Variants in ZNF251 observed in about 807,000 individuals in gnomAD.
ZNF251 encodes the protein zinc finger protein 251.
A neutral mutation model predicts 13.5 loss-of-function variants in ZNF251; 14 were observed. The ratio of observed to expected loss-of-function variants is 1.04; its 90% CI spans 0.69 to 1.63. ZNF251 has a LOEUF of 1.63. Among genes scored for constraint, ZNF251 ranks in the 40% most tolerant of loss-of-function variants. The pLI is 0.00. For missense variants in ZNF251, 764 were observed against 834.9 expected, an observed-to-expected ratio of 0.92 and a Z score of 1.05; for synonymous variants, 287 against 295.2, an observed-to-expected ratio of 0.97 and a Z score of 0.28.
At position 144,721,761 on chromosome 8, in the gene ZNF251, C is replaced by G. The variant is rs758764862; in HGVS notation, c.1899G>C (p.Gln633His). ...HCSVYGKAFSQSSQLTPPQQT... is the reference protein window; with the variant it reads ...HCSVYGKAFSHSSQLTPPQQT... Reference sequence around the variant, plus strand: ...GCTGAGGTGGTGTGAGCTGTGAACTCTGGCTGAAGGCTTTCCCATACACAC... The same window carrying G: ...GCTGAGGTGGTGTGAGCTGTGAACTGTGGCTGAAGGCTTTCCCATACACAC... The change falls in exon 5 of 5, where the codon CAG becomes CAC. Residue 633 changes from glutamine (Q) to histidine (H), a missense_variant. By Grantham distance (24) the Gln-to-His change is conservative. Transcript: ENST00000292562. 1.4e-5 allele frequency: 20 copies of G among 1,445,376 alleles called. No individual in the cohort carries two copies. The highest frequency in any genetic ancestry group is 1.7e-5 in the Non-Finnish European group (19 of 1,096,164). The allele number at this position is 1,445,376 out of a possible 1,614,324, so 89.5% of individuals were successfully genotyped here. A position where few individuals can be genotyped will look rare whatever the true frequency, so the allele number is the denominator to read the frequency against.
chr8:144,755,469 C>T lies in ZNF251; in HGVS notation c.-140G>A, dbSNP rs1824923681. 1.6e-6 allele frequency: 2 copies of T among 1,287,428 alleles called. No individual in the cohort carries two copies. The highest frequency in any genetic ancestry group is 1.5e-5 in the African/African-American group (1 of 65,716). The allele number at this position is 1,287,428 out of a possible 1,614,324, so 79.8% of individuals were successfully genotyped here. ...AGGAGCTGCGCAGTCGCACCGAGCC[C>T]GGAACGGACCCTCCCACAGAACCGG... On this transcript the variant is annotated 5_prime_UTR_variant, in exon 1 of 5. Transcript: ENST00000292562.
chr8:144,736,541 G>C (rs1357332953), intron 4 of ZNF251, among the ~76,000 whole-genome samples: 2 of 151,670 alleles, frequency 1.3e-5, no homozygotes, highest in African/African-American at 2.4e-5. Flanking sequence ...GCCCAGGCTA[G>C]AGTGCAATGG....
intron 4 of ZNF251, among the ~76,000 whole-genome samples, chr8:144,751,792 A>C (rs1824704269): frequency 6.6e-6 from 1 of 152,138 alleles, no homozygotes; most frequent in Non-Finnish European, 1.5e-5. Flanking sequence ...AAGAAACAAG[A>C]CCCAATTGTA....
chr8:144,743,989 G>C (rs1310623581), intron 4 of ZNF251, among the ~76,000 whole-genome samples: 2 of 142,636 alleles, frequency 1.4e-5, no homozygotes, highest in African/African-American at 5.2e-5. Context: ...TCTATGGACT[G>C]TTTCTCATTC....
chr8:144,749,817 G>A (rs1824603928), intron 4 of ZNF251, among the ~76,000 whole-genome samples: 1 of 151,314 alleles, frequency 6.6e-6, no homozygotes, highest in Non-Finnish European at 1.5e-5. Context: ...TGTTCCTTTC[G>A]GTTATGGTGT....
chr8:144,736,931 T>A (rs556589478), intron 4 of ZNF251, among the ~76,000 whole-genome samples: 1 of 152,048 alleles, frequency 6.6e-6, no homozygotes, highest in Non-Finnish European at 1.5e-5. Flanking sequence ...GCCTCCCAAG[T>A]AGCTGGGATT....
chr8:144,721,644 T>G lies in ZNF251; in HGVS notation c.2016A>C (p.Ter672TyrextTer18). 1 of 1,342,348 alleles carries G rather than the reference T, an allele frequency of 7.4e-7. No individual in the cohort carries two copies. The highest frequency in any genetic ancestry group is 9.6e-7 in the Non-Finnish European group (1 of 1,037,048). The allele number at this position is 1,342,348 out of a possible 1,614,324, so 83.2% of individuals were successfully genotyped here. A position where few individuals can be genotyped will look rare whatever the true frequency, so the allele number is the denominator to read the frequency against. The change falls in exon 5 of 5, where the codon TAA becomes TAC. Residue 672 changes from the stop codon to tyrosine (Y), a stop_lost. Transcript: ENST00000292562. ...TAAACTGTCTTCTGCATTTATCACATTAAAAATGTCTTTCTTGGAAAATCT... is the reference window on the plus strand; with the variant it reads ...TAAACTGTCTTCTGCATTTATCACAGTAAAAATGTCTTTCTTGGAAAATCT... ...IKKIFQERHF* is the reference protein window; with the variant it reads ...IKKIFQERHFY
chr8:144,730,014 C>T (rs1199200224), intron 4 of ZNF251: 4 of 983,648 alleles, frequency 4.1e-6, no homozygotes, highest in Non-Finnish European at 3.6e-6. Context: ...TTCCCAGGAG[C>T]GGGTGCCCTC....
intron 1 of ZNF251, 126 bp from the exon 2 acceptor site, chr8:144,754,929 G>C (rs915322021): frequency 7.0e-7 from 1 of 1,427,072 alleles, no homozygotes; most frequent in African/African-American, 1.4e-5. Flanking sequence ...TGCAGCACGG[G>C]CCGACGTGCC....
At chr8:144,748,106 C>G (rs142035449) in intron 4 of ZNF251, among the ~76,000 whole-genome samples, 3,671 of 152,014 alleles carry the variant, frequency 0.024, 137 homozygotes, top group African/African-American at 0.085. Context: ...TGGAGTCTCA[C>G]TCTGTCGCCC....
chr8:144,729,579 A>G (rs1266210144), intron 4 of ZNF251, among the ~76,000 whole-genome samples: 1 of 151,890 alleles, frequency 6.6e-6, no homozygotes, highest in Non-Finnish European at 1.5e-5. Flanking sequence ...CTCGCCATCC[A>G]CCCGCCTCGG....
chr8:144,721,360 T>C lies in ZNF251; in HGVS notation c.*284A>G. 1 of 395,962 alleles carries C rather than the reference T, an allele frequency of 2.5e-6. No homozygotes were observed. The highest frequency in any genetic ancestry group is 3.6e-5 in the East Asian group (1 of 27,826). 24.5% of individuals were successfully genotyped at this position (395,962 alleles called of 1,614,324 possible). ...GGTAGGGTAGACCCAGAGCACCAGC[T>C]GGGCTCACTTTTCACGCCCTCCATC... On this transcript the variant is annotated 3_prime_UTR_variant, in exon 5 of 5. Transcript: ENST00000292562.
chr8:144,753,833 C>T (rs748257226), intron 3 of ZNF251, 37 bp from the exon 4 acceptor site: 42 of 1,486,948 alleles, frequency 2.8e-5, no homozygotes, highest in Non-Finnish European at 3.6e-5. Context: ...CTGGCATGGC[C>T]CACTGGGCCT....
At position 144,722,159 on chromosome 8, in the gene ZNF251, TC is replaced by T. The variant is rs1823388253; in HGVS notation, c.1500del (p.Arg501GlyfsTer86). The T allele has an allele frequency of 6.2e-7, 1 of 1,614,094 alleles. No homozygotes were observed. Among genetic ancestry groups the T allele is most frequent in the African/African-American group, 1.3e-5 (1 of 74,934 alleles). ...DCGDCGKAFS[R>X]RSTLIQHQKV... ...TTCTGATGCTGAATGAGGGTTGACCTCCGGCTGAAGGCCTTCCCACAGTCAC... is the reference window on the plus strand; with the variant it reads ...TTCTGATGCTGAATGAGGGTTGACCTCGGCTGAAGGCCTTCCCACAGTCAC... On this transcript the variant is annotated frameshift_variant, in exon 5 of 5. Coordinates refer to ENST00000292562, the MANE Select transcript of ZNF251 (RefSeq NM_138367.2). LOFTEE classifies it low-confidence loss of function (END_TRUNC). This position sits in a 1 kb window ranked among gnomAD's most constrained non-coding sequence, Gnocchi z 4.8.
chr8:144,750,745 T>C (rs1824652839), intron 4 of ZNF251, among the ~76,000 whole-genome samples: 1 of 152,152 alleles, frequency 6.6e-6, no homozygotes, highest in Admixed American at 6.5e-5. Context: ...AATTTGCCAG[T>C]TACATTTTAG....
chr8:144,735,775 G>A (rs988734622), intron 4 of ZNF251, among the ~76,000 whole-genome samples: 6 of 152,150 alleles, frequency 3.9e-5, no homozygotes, highest in Non-Finnish European at 8.8e-5. Flanking sequence ...ACAGCAAGAG[G>A]GGTCTGTTGT....
At chr8:144,753,593 G>T in intron 4 of ZNF251, 90 bp downstream of exon 4, 1 of 1,032,520 alleles carries the variant, frequency 9.7e-7, no homozygotes, top group South Asian at 1.4e-5. Context: ...CCATTAATAT[G>T]AACGCCATGC....
intron 4 of ZNF251, chr8:144,730,106 G>A (rs1235086909): frequency 5.1e-6 from 5 of 985,462 alleles, no homozygotes; most frequent in African/African-American, 3.5e-5. Context: ...CATCACCAGA[G>A]TCGGCTGAAA....
intron 4 of ZNF251, 63 bp downstream of exon 4, chr8:144,753,620 T>C (rs1824806902): frequency 3.6e-6 from 5 of 1,378,510 alleles, no homozygotes; most frequent in Admixed American, 2.0e-5. Flanking sequence ...TGTCCCTCGC[T>C]TGGAGCCTCT....
Sources: gnomAD v4.1 joint callset for allele counts (sites outside exome capture counted in the v4.1 genomes callset) on GRCh38, gnomAD v4.1.1 for gene constraint, Gnocchi (gnomAD v3.1) non-coding constraint, MANE v1.5 for transcripts, NCBI Gene and HGNC (gene_info 2026-07-23, HGNC 2026-07-21) for gene names.